Variants in PIP5K1C observed in about 807,000 individuals in gnomAD.
PIP5K1C encodes phosphatidylinositol-4-phosphate 5-kinase type 1 gamma, also known as phosphatidylinositol 4-phosphate 5-kinase type-1 gamma.
Under a neutral mutation model 80.1 loss-of-function variants are expected in PIP5K1C, and 45 were observed. The observed-to-expected ratio is 0.56, with a 90% CI of 0.44 to 0.72. The LOEUF is 0.72. PIP5K1C is among the 30% of genes least tolerant of loss of function. The pLI is 0.00. For synonymous variants in PIP5K1C, 498 were observed against 420.1 expected (o/e 1.19, Z -2.27); for missense variants, 753 against 954.6 (o/e 0.79, Z 2.78).
rs1263155698 is a variant in PIP5K1C, at chr19:3,637,982, G to A, written c.1920+902C>T. ...CCCTCCCTTCTCCAGGGCCAGGTGG[G>A]TGCATGGGGACCCCAGAGGCGCCAC... On this transcript the variant is annotated intron_variant, in intron 16 of 17. Transcript: ENST00000335312. This position sits in a 1 kb window ranked among gnomAD's most constrained non-coding sequence, Gnocchi z 7.0. 9.2e-6 allele frequency: 14 copies of A among 1,528,860 alleles called. No individual in the cohort carries two copies. The East Asian group carries it at 2.9e-4, about 32-fold the overall frequency. 94.7% of individuals were successfully genotyped at this position (1,528,860 alleles called of 1,614,324 possible). A position where few individuals can be genotyped will look rare whatever the true frequency, so the allele number is the denominator to read the frequency against.
At chr19:3,681,504 T>C (rs2035588106) in intron 1 of PIP5K1C, among the ~76,000 whole-genome samples, 1 of 152,090 alleles carries the variant, frequency 6.6e-6, no homozygotes, top group African/African-American at 2.4e-5. Context: ...AGTGCTGGGA[T>C]TACAGGCATG....
At chr19:3,664,695 C>T in intron 3 of PIP5K1C, 127 bp downstream of exon 3, 1 of 836,456 alleles carries the variant, frequency 1.2e-6, no homozygotes, top group South Asian at 1.4e-5. Flanking sequence ...CCACACAGCC[C>T]ACACCTGTCC....
At chr19:3,684,640 T>C (rs985463427) in intron 1 of PIP5K1C, among the ~76,000 whole-genome samples, 7 of 152,214 alleles carry the variant, frequency 4.6e-5, no homozygotes, top group African/African-American at 1.7e-4. Context: ...ACTGGGAAAC[T>C]GACAGCAAAA....
chr19:3,679,028 C>T (rs1600067947), intron 1 of PIP5K1C, among the ~76,000 whole-genome samples: 2 of 152,016 alleles, frequency 1.3e-5, no homozygotes, highest in Middle Eastern at 6.8e-3. Flanking sequence ...GGCGTGAACA[C>T]AGCCAACTGC....
chr19:3,699,525 G>A (rs116823523), intron 1 of PIP5K1C, among the ~76,000 whole-genome samples: 3 of 152,302 alleles, frequency 2.0e-5, no homozygotes, highest in African/African-American at 7.2e-5. Flanking sequence ...TGGCTGCCTG[G>A]GAGGAGCAGA....
intron 1 of PIP5K1C, among the ~76,000 whole-genome samples, chr19:3,690,045 T>C (rs1264949100): frequency 6.6e-6 from 1 of 151,412 alleles, no homozygotes. Context: ...ACAGTCATTA[T>C]CTCCACAGAG....
chr19:3,669,319 A>G (rs1395681466), intron 1 of PIP5K1C, among the ~76,000 whole-genome samples: 1 of 152,102 alleles, frequency 6.6e-6, no homozygotes, highest in South Asian at 2.1e-4. Context: ...AGTGCGTTGG[A>G]ACTGGTCTGG....
chr19:3,637,966 C>T lies in PIP5K1C; in HGVS notation c.1920+918G>A. ...CAGGCACGCGGCCCGTCCCTCCCTT[C>T]TCCAGGGCCAGGTGGGTGCATGGGG... On this transcript the variant is annotated intron_variant, in intron 16 of 17. Coordinates refer to ENST00000335312, the MANE Select transcript of PIP5K1C (RefSeq NM_012398.3). The surrounding 1 kb of genome is among the most constrained non-coding windows in gnomAD (Gnocchi z 7.0). The T allele has an allele frequency of 6.5e-7, 1 of 1,532,900 alleles. No individual in the cohort carries two copies. The highest frequency in any genetic ancestry group is 8.7e-7 in the Non-Finnish European group (1 of 1,145,624). The allele number at this position is 1,532,900 out of a possible 1,614,324, so 95.0% of individuals were successfully genotyped here.
intron 1 of PIP5K1C, among the ~76,000 whole-genome samples, chr19:3,694,154 G>A (rs1600098355): frequency 1.3e-5 from 2 of 151,010 alleles, no homozygotes; most frequent in East Asian, 3.9e-4. Flanking sequence ...GGAGCTTGCA[G>A]TGAGCCGAGA....
At chr19:3,638,423 C>T (rs1227752943) in intron 16 of PIP5K1C, among the ~76,000 whole-genome samples, 1 of 152,230 alleles carries the variant, frequency 6.6e-6, no homozygotes, top group African/African-American at 2.4e-5. Flanking sequence ...CACCTGGCCA[C>T]GCCCACGGCA....
chr19:3,676,433 A>G (rs570172684), intron 1 of PIP5K1C, among the ~76,000 whole-genome samples: 29 of 152,294 alleles, frequency 1.9e-4, no homozygotes, highest in African/African-American at 6.7e-4. Flanking sequence ...AACTCTAGAA[A>G]TCACAATGTT....
Position 3,637,123 on chromosome 19 carries a change from A to C in PIP5K1C, c.1920+1761T>G. On this transcript the variant is annotated intron_variant, in intron 16 of 17. Transcript: ENST00000335312. This position sits in a 1 kb window ranked among gnomAD's most constrained non-coding sequence, Gnocchi z 7.0. ...TGCAGCCACTCTGCTGACCTGTGCA[A>C]CCTCCCCTGTGCAGCCAGCGGGGCC... 7.3e-7 allele frequency: 1 copy of C among 1,363,376 alleles called. No individual in the cohort carries two copies. Among genetic ancestry groups the C allele is most frequent in the Non-Finnish European group, 9.5e-7 (1 of 1,055,280 alleles). 84.5% of individuals were successfully genotyped at this position (1,363,376 alleles called of 1,614,324 possible).
rs1339188447 is a variant in PIP5K1C at position 3,653,361 on chromosome 19, T to C, written c.850A>G (p.Met284Val). The C allele has an allele frequency of 3.7e-6, 6 of 1,612,332 alleles. No homozygotes were observed. The African/African-American group carries it at 4.0e-5, about 11-fold the overall frequency. ...GCGTCCAGCAGGAGCCCCTCGGGCA[T>C]GTCCTGCATGAAGTCCAGGTCCTTG... ...TYKDLDFMQDMPEGLLLDADT... is the reference protein window; with the variant it reads ...TYKDLDFMQDVPEGLLLDADT... The change falls in exon 7 of 18, where the codon ATG becomes GTG. Residue 284 changes from methionine to valine, a missense_variant. Around this residue, in one of 6 missense-constraint regions of PIP5K1C, gnomAD observed 105 missense variants for 133.4 expected, o/e 0.79. Transcript: ENST00000335312.
chr19:3,656,078 C>T (rs2034619324), intron 6 of PIP5K1C, among the ~76,000 whole-genome samples: 1 of 152,208 alleles, frequency 6.6e-6, no homozygotes, highest in South Asian at 2.1e-4. Context: ...ACGCTGCCCG[C>T]AGGCTGCTGG....
At chr19:3,665,442 A>C (rs973109690) in intron 2 of PIP5K1C, among the ~76,000 whole-genome samples, 1 of 152,082 alleles carries the variant, frequency 6.6e-6, no homozygotes, top group Admixed American at 6.5e-5. Context: ...ACATCTCAGT[A>C]AAGTGGGTAT....
In PIP5K1C at chr19:3,637,379, C is replaced by T. The variant is rs2033734957; in HGVS notation, c.1920+1505G>A. On this transcript the variant is annotated intron_variant, in intron 16 of 17. Coordinates refer to ENST00000335312, the MANE Select transcript of PIP5K1C (RefSeq NM_012398.3). This position sits in a 1 kb window ranked among gnomAD's most constrained non-coding sequence, Gnocchi z 7.0. ...TGCAGCCCAGCGCCTGGTCCGGGGC[C>T]AGCGTGGCTGACCTCAATTGCAGCC... 1 of 1,535,482 alleles carries T rather than the reference C, an allele frequency of 6.5e-7. No individual in the cohort carries two copies. Among genetic ancestry groups the T allele is most frequent in the South Asian group, 1.2e-5 (1 of 84,058 alleles).
At chr19:3,699,113 G>C (rs2036214233) in intron 1 of PIP5K1C, among the ~76,000 whole-genome samples, 1 of 152,050 alleles carries the variant, frequency 6.6e-6, no homozygotes, top group African/African-American at 2.4e-5. Context: ...TGGGGTCAGA[G>C]GGCTGACAGC....
rs146159111 is a variant in PIP5K1C, at chr19:3,638,126, C to T, written c.1920+758G>A. 11,015 of 1,306,510 alleles carry T rather than the reference C, an allele frequency of 8.4e-3. 89 individuals are homozygous for T. The highest frequency in any genetic ancestry group is 0.03 in the South Asian group (1,922 of 64,714). 80.9% of individuals were successfully genotyped at this position (1,306,510 alleles called of 1,614,324 possible). On this transcript the variant is annotated intron_variant, in intron 16 of 17. Transcript: ENST00000335312. ...CAGGGGGTGCAGGGTGAGAACAAAC[C>T]ATCTGGGAAGTGGGCTGCAGCCTCC...
chr19:3,675,541 G>A (rs562319267), intron 1 of PIP5K1C, among the ~76,000 whole-genome samples: 3 of 152,282 alleles, frequency 2.0e-5, no homozygotes, highest in Non-Finnish European at 2.9e-5. Flanking sequence ...AGCAACTACC[G>A]AGGTCTGAAA....
Sources: allele counts gnomAD v4.1 joint callset (sites outside exome capture counted in the v4.1 genomes callset), GRCh38; gene constraint gnomAD v4.1.1; regional missense constraint gnomAD v4.1.1; non-coding constraint Gnocchi (gnomAD v3.1); transcripts MANE v1.5; gene names NCBI Gene and HGNC (gene_info 2026-07-23, HGNC 2026-07-21).